Variants in DCC observed in about 807,000 individuals in gnomAD.
DCC encodes the protein netrin receptor DCC.
Under a neutral mutation model 172.5 loss-of-function variants are expected in DCC, and 58 were observed. That is an observed-to-expected ratio of 0.34 (90% CI 0.27 to 0.42). The LOEUF is 0.42. Among genes scored for constraint, DCC ranks in the 10% least tolerant of loss-of-function variants. The pLI, the probability that DCC is intolerant of heterozygous loss-of-function variation, is 1.00. For synonymous variants in DCC, 709 were observed against 644.5 expected, an observed-to-expected ratio of 1.10 and a Z score of -1.52; for missense variants, 1,740 against 1,791.0, an observed-to-expected ratio of 0.97 and a Z score of 0.51.
At chr18:53,357,310 T>A (rs1352024035) in intron 15 of DCC, among the ~76,000 whole-genome samples, 2 of 152,196 alleles carry the variant, frequency 1.3e-5, no homozygotes, top group Non-Finnish European at 2.9e-5. Context: ...TCTTTTATCC[T>A]GTGGAGAAAT....
intron 12 of DCC, among the ~76,000 whole-genome samples, chr18:53,292,701 AAAAAC>A (rs917952385): frequency 7.9e-5 from 12 of 152,204 alleles, no homozygotes; most frequent in East Asian, 7.7e-4. Flanking sequence ...AAACAAAAAC[AAAAAC>A]AAAACAAAAC....
chr18:52,829,783 G>T (rs1202230264), intron 2 of DCC, among the ~76,000 whole-genome samples: 1 of 152,112 alleles, frequency 6.6e-6, no homozygotes, highest in African/African-American at 2.4e-5. Flanking sequence ...AACAGACAAA[G>T]ACTCTACCTT....
intron 8 of DCC, among the ~76,000 whole-genome samples, chr18:53,177,153 G>A (rs2055112264): frequency 6.6e-6 from 1 of 151,054 alleles, no homozygotes; most frequent in Non-Finnish European, 1.5e-5. Context: ...CACAGGAAGG[G>A]GAATATCACA....
chr18:52,810,757 C>G (rs1244215608), intron 2 of DCC, among the ~76,000 whole-genome samples: 1 of 152,176 alleles, frequency 6.6e-6, no homozygotes, highest in Non-Finnish European at 1.5e-5. Context: ...GGGTAGGGAT[C>G]AATCAGAGGA....
At chr18:52,700,359 ACACACACACATG>A (rs1329573769) in intron 1 of DCC, among the ~76,000 whole-genome samples, 7 of 77,122 alleles carry the variant, frequency 9.1e-5, no homozygotes, top group East Asian at 6.6e-4. Flanking sequence ...ACTCACATGC[ACACACACACATG>A]CACACACATG....
chr18:52,345,475 C>G (rs969284806), intron 1 of DCC, among the ~76,000 whole-genome samples: 3 of 152,136 alleles, frequency 2.0e-5, no homozygotes, highest in African/African-American at 7.2e-5. Context: ...GGAATCATAG[C>G]TTGGAATCTC....
chr18:53,460,672 G>A (rs1405792834), intron 24 of DCC, among the ~76,000 whole-genome samples: 2 of 151,856 alleles, frequency 1.3e-5, no homozygotes, highest in Non-Finnish European at 2.9e-5. Flanking sequence ...TCTTAATCCA[G>A]TCTATCATTG....
chr18:53,206,580 A>G (rs1341588248), intron 10 of DCC, among the ~76,000 whole-genome samples: 1 of 145,182 alleles, frequency 6.9e-6, no homozygotes, highest in Non-Finnish European at 1.5e-5. Context: ...ATACATATCT[A>G]TACATCTATA....
At chr18:52,513,409 C>T (rs1483074035) in intron 1 of DCC, among the ~76,000 whole-genome samples, 1 of 130,862 alleles carries the variant, frequency 7.6e-6, no homozygotes, top group Non-Finnish European at 1.7e-5. Context: ...AATACTGGTA[C>T]CCACTTCAAG....
At chr18:52,856,947 C>A (rs778049332) in intron 2 of DCC, among the ~76,000 whole-genome samples, 5 of 152,104 alleles carry the variant, frequency 3.3e-5, no homozygotes, top group Non-Finnish European at 7.3e-5. Context: ...CTTGACAATT[C>A]TTTTTCTCTA....
chr18:53,524,658 CAATGATAAAAAA>C (rs1287868491), intron 27 of DCC, among the ~76,000 whole-genome samples: 1 of 151,866 alleles, frequency 6.6e-6, no homozygotes, highest in Non-Finnish European at 1.5e-5. Flanking sequence ...TTATGAGAAA[CAATGATAAAAAA>C]TGAGCTTTTA....
intron 1 of DCC, among the ~76,000 whole-genome samples, chr18:52,636,274 C>T (rs1028081113): frequency 5.9e-5 from 9 of 152,050 alleles, no homozygotes; most frequent in South Asian, 2.1e-4. Flanking sequence ...TAAAACTACA[C>T]GGGGAGAAGC....
chr18:52,834,363 G>T (rs1016404893), intron 2 of DCC, among the ~76,000 whole-genome samples: 1 of 152,212 alleles, frequency 6.6e-6, no homozygotes, highest in African/African-American at 2.4e-5. Flanking sequence ...CCTTAGCATT[G>T]TTTGGGAACT....
intron 11 of DCC, among the ~76,000 whole-genome samples, chr18:53,209,011 G>T (rs982445812): frequency 6.6e-6 from 1 of 152,164 alleles, no homozygotes; most frequent in African/African-American, 2.4e-5. Context: ...GATTACAAGC[G>T]TGAGCCACTG....
chr18:53,427,854 T>C (rs1340718978), intron 21 of DCC, among the ~76,000 whole-genome samples: 1 of 91,358 alleles, frequency 1.1e-5, no homozygotes, highest in African/African-American at 3.8e-5. Flanking sequence ...TATATTTCTT[T>C]TTATATATAA....
intron 1 of DCC, among the ~76,000 whole-genome samples, chr18:52,747,134 G>C (rs1365049712): frequency 6.6e-6 from 1 of 152,172 alleles, no homozygotes; most frequent in African/African-American, 2.4e-5. Context: ...CATTTGGAGG[G>C]AGAGAGAGAT....
At chr18:52,487,548 C>T (rs1173894260) in intron 1 of DCC, among the ~76,000 whole-genome samples, 2 of 152,186 alleles carry the variant, frequency 1.3e-5, no homozygotes, top group South Asian at 4.1e-4. Flanking sequence ...CGGTGGCTCA[C>T]GCCTGTAATC....
At chr18:53,055,047 C>G (rs1197463418) in intron 5 of DCC, among the ~76,000 whole-genome samples, 1 of 152,068 alleles carries the variant, frequency 6.6e-6, no homozygotes, top group Admixed American at 6.6e-5. Context: ...CATCTGCAGC[C>G]AGAAGATGAC....
chr18:52,436,564 CTATGTA>C (rs1284741232), intron 1 of DCC, among the ~76,000 whole-genome samples: 1 of 152,190 alleles, frequency 6.6e-6, no homozygotes, highest in African/African-American at 2.4e-5. Context: ...CAGGGGCTTC[CTATGTA>C]CATTAAAATA....
Sources: gnomAD v4.1 joint callset for allele counts (sites outside exome capture counted in the v4.1 genomes callset) on GRCh38, gnomAD v4.1.1 for gene constraint, MANE v1.5 for transcripts, NCBI Gene and HGNC (gene_info 2026-07-23, HGNC 2026-07-21) for gene names.